Variants in DNAH11 observed in about 807,000 individuals in gnomAD.
DNAH11 encodes the protein dynein axonemal heavy chain 11, also known as axonemal beta dynein heavy chain 11.
In DNAH11, 442 loss-of-function variants were observed where a neutral mutation model predicts 526.0. The ratio of observed to expected loss-of-function variants is 0.84; its 90% CI spans 0.78 to 0.91. The LOEUF is 0.91. Among genes scored for constraint, DNAH11 ranks in the 40% least tolerant of loss-of-function variants. The pLI, the probability that DNAH11 is intolerant of heterozygous loss-of-function variation, is 0.00. For synonymous variants in DNAH11, 2,461 were observed against 1,935.9 expected, an observed-to-expected ratio of 1.27 and a Z score of -7.12; for missense variants, 6,989 against 5,448.7, an observed-to-expected ratio of 1.28 and a Z score of -8.90.
chr7:21,655,337 A>G (rs771632917), intron 28 of DNAH11, among the ~76,000 whole-genome samples: 1 of 152,166 alleles, frequency 6.6e-6, no homozygotes, highest in Non-Finnish European at 1.5e-5. Context: ...TTATGTACCA[A>G]GGATACTGTG....
At chr7:21,775,567 G>C (rs1787635659) in intron 56 of DNAH11, among the ~76,000 whole-genome samples, 1 of 151,512 alleles carries the variant, frequency 6.6e-6, no homozygotes, top group Non-Finnish European at 1.5e-5. Context: ...ACAGTGTGTT[G>C]AGTGGGTCAC....
intron 44 of DNAH11, among the ~76,000 whole-genome samples, chr7:21,724,071 GAATT>G (rs1376445714): frequency 5.9e-5 from 9 of 152,274 alleles, no homozygotes; most frequent in African/African-American, 2.2e-4. Flanking sequence ...CGTTTTAGTT[GAATT>G]AATTAATGAA....
At chr7:21,671,298 T>C (rs750659504) in intron 30 of DNAH11, among the ~76,000 whole-genome samples, 4 of 152,206 alleles carry the variant, frequency 2.6e-5, no homozygotes, top group Non-Finnish European at 5.9e-5. Context: ...CCAGTGTCTA[T>C]TGTCTGTGGC....
Position 21,655,985 on chromosome 7 carries a change from A to G in DNAH11, c.5094+4A>G, listed in dbSNP as rs769984539. ...CGAGTGTGAATGTGTGGGCCATGTA[A>G]GATTTGATTATGAGGTTTTCTATGC... is the stretch of plus-strand genomic sequence containing the variant. On this transcript the variant is annotated splice_donor_region_variant and intron_variant, in intron 29 of 81. Transcript: ENST00000409508. 1.3e-6 allele frequency: 2 copies of G among 1,586,150 alleles called. No individual in the cohort carries two copies. Among genetic ancestry groups the G allele is most frequent in the Non-Finnish European group, 1.7e-6 (2 of 1,164,160 alleles).
intron 30 of DNAH11, among the ~76,000 whole-genome samples, chr7:21,667,427 T>C (rs1478541691): frequency 6.6e-6 from 1 of 152,144 alleles, no homozygotes; most frequent in African/African-American, 2.4e-5. Flanking sequence ...ATTCATAATT[T>C]GTAAGTGAAT....
Position 21,735,796 on chromosome 7 carries a change from G to A in DNAH11, c.7597G>A (p.Val2533Ile). The A allele has an allele frequency of 1.2e-6, 2 of 1,613,926 alleles. No individual in the cohort carries two copies. The highest frequency in any genetic ancestry group is 2.2e-5 in the South Asian group (2 of 91,068). ...TLASLSEDYI[V>I]SRVPFNYYTT... is the part of the protein sequence containing the mutation. The stretch of plus-strand genomic sequence containing the variant: ...GGCAAGTCTCTCTGAGGATTACATA[G>A]TATCCCGTGTGCCTTTCAACTACTA... The change falls in exon 46 of 82, where the codon GTA (valine) becomes ATA (isoleucine). Residue 2533 changes from valine to isoleucine, a missense_variant. Val to Ile is a conservative substitution (Grantham distance 29, BLOSUM62 3). Transcript: ENST00000409508.
At chr7:21,870,675 C>G (rs1320528600) in intron 73 of DNAH11, among the ~76,000 whole-genome samples, 1 of 152,126 alleles carries the variant, frequency 6.6e-6, no homozygotes, top group Non-Finnish European at 1.5e-5. Flanking sequence ...ACTTTTGTAT[C>G]TGTGCTGAGC....
At chr7:21,552,217 G>C (rs1219194794) in intron 2 of DNAH11, among the ~76,000 whole-genome samples, 2 of 152,196 alleles carry the variant, frequency 1.3e-5, no homozygotes, top group Non-Finnish European at 2.9e-5. Flanking sequence ...CTGTAATGAA[G>C]GCCTGCTTTA....
intron 27 of DNAH11, among the ~76,000 whole-genome samples, 188 bp from the exon 28 acceptor site, chr7:21,638,751 T>C (rs1206288699): frequency 1.3e-5 from 2 of 151,346 alleles, no homozygotes; most frequent in African/African-American, 4.9e-5. Context: ...ATAGTACTCT[T>C]CTACTTGGCA....
chr7:21,700,247 A>G (rs1472734141), intron 36 of DNAH11, among the ~76,000 whole-genome samples: 3 of 152,316 alleles, frequency 2.0e-5, no homozygotes, highest in African/African-American at 7.2e-5. Context: ...ACAAAGAAGG[A>G]AAGAGTTTGC....
At chr7:21,857,699 G>A (rs1462092787) in intron 68 of DNAH11, among the ~76,000 whole-genome samples, 6 of 152,104 alleles carry the variant, frequency 3.9e-5, no homozygotes, top group Non-Finnish European at 8.8e-5. Context: ...TTGATTTTCA[G>A]TAGGGGTGCC....
intron 45 of DNAH11, among the ~76,000 whole-genome samples, chr7:21,729,697 A>G (rs935367747): frequency 8.8e-5 from 6 of 68,312 alleles, no homozygotes; most frequent in African/African-American, 2.8e-4. Context: ...TGCCAGTGTC[A>G]AGTAACACTG....
intron 41 of DNAH11, 102 bp downstream of exon 41, chr7:21,710,805 G>T: frequency 4.4e-6 from 5 of 1,145,790 alleles, no homozygotes; most frequent in East Asian, 2.9e-5. Context: ...TCATTAACCT[G>T]GGATTCTTTA....
intron 61 of DNAH11, among the ~76,000 whole-genome samples, chr7:21,797,187 A>G: frequency 6.6e-6 from 1 of 152,212 alleles, no homozygotes; most frequent in South Asian, 2.1e-4. Context: ...TTAGAGTAAA[A>G]TCATCTTGAT....
intron 14 of DNAH11, among the ~76,000 whole-genome samples, chr7:21,596,060 A>G (rs892148120): frequency 6.6e-6 from 1 of 152,260 alleles, no homozygotes; most frequent in Non-Finnish European, 1.5e-5. Flanking sequence ...AAAGAAGTAC[A>G]TAATTAACAT....
chr7:21,802,650 G>C (rs1789045350), intron 62 of DNAH11, among the ~76,000 whole-genome samples: 2 of 152,102 alleles, frequency 1.3e-5, no homozygotes, highest in African/African-American at 2.4e-5. Context: ...TGAATACTGA[G>C]TCATGCTACA....
chr7:21,704,418 A>C lies in DNAH11; in HGVS notation c.6274-16A>C. ...GACCTTGTATTGGCTTTTTTATAAA[A>C]TGTTTTTTTTTCTAGGTACTCATGA... On this transcript the variant is annotated splice_polypyrimidine_tract_variant and intron_variant, in intron 37 of 81. Coordinates refer to ENST00000409508, the MANE Select transcript of DNAH11 (RefSeq NM_001277115.2). The C allele has an allele frequency of 6.3e-7, 1 of 1,599,834 alleles. No individual in the cohort carries two copies. The highest frequency in any genetic ancestry group is 8.5e-7 in the Non-Finnish European group (1 of 1,173,072).
At chr7:21,801,690 A>G (rs1789002681) in intron 62 of DNAH11, among the ~76,000 whole-genome samples, 2 of 152,236 alleles carry the variant, frequency 1.3e-5, no homozygotes, top group African/African-American at 4.8e-5. Flanking sequence ...AAAACAAGTT[A>G]TAAAACTCAG....
At chr7:21,573,989 C>A (rs1783989848) in intron 8 of DNAH11, among the ~76,000 whole-genome samples, 1 of 152,284 alleles carries the variant, frequency 6.6e-6, no homozygotes, top group South Asian at 2.1e-4. Flanking sequence ...TATTGGCGTA[C>A]CGAAAGGTTT....
Sources: gnomAD v4.1 joint callset for allele counts (sites outside exome capture counted in the v4.1 genomes callset) on GRCh38, gnomAD v4.1.1 for gene constraint, MANE v1.5 for transcripts, NCBI Gene and HGNC (gene_info 2026-07-23, HGNC 2026-07-21) for gene names.